The following ARHGAP15 variants were observed in gnomAD, a reference collection of about 807,000 sequenced individuals.
The protein encoded by ARHGAP15 is Rho GTPase activating protein 15.
Under a neutral mutation model 63.7 loss-of-function variants are expected in ARHGAP15, and 51 were observed. That is an observed-to-expected ratio of 0.80 (90% CI 0.64 to 1.01). ARHGAP15 has a LOEUF of 1.01. Ranked by LOEUF, ARHGAP15 falls within the 50% of genes least tolerant of loss-of-function variation. The pLI is 0.00. For synonymous variants in ARHGAP15, 191 were observed against 193.8 expected, an observed-to-expected ratio of 0.99 and a Z score of 0.12; for missense variants, 560 against 564.6, an observed-to-expected ratio of 0.99 and a Z score of 0.08.
chr2:143,277,952 T>C (rs908103270), intron 6 of ARHGAP15, among the ~76,000 whole-genome samples: 3 of 152,204 alleles, frequency 2.0e-5, no homozygotes, highest in African/African-American at 4.8e-5. Flanking sequence ...TGGTTGATAG[T>C]GGCAGGTCTG....
chr2:143,647,568 T>C (rs1680945482), intron 12 of ARHGAP15, among the ~76,000 whole-genome samples: 2 of 151,976 alleles, frequency 1.3e-5, no homozygotes, highest in African/African-American at 4.8e-5. Context: ...GCTGCCTTTA[T>C]GTGAATCATT....
rs556938138 is a variant in ARHGAP15, at chr2:143,451,406, CAG to C, written c.703+14367_703+14368del. Among the ~76,000 whole-genome samples the C allele has an allele frequency of 7.1e-4, 108 of 151,850 alleles. 1 individual carries two copies. The highest frequency in any genetic ancestry group is 2.4e-3 in the Admixed American group (36 of 15,190). Reference sequence around the variant, plus strand: ...TCTAGAAAGTAGCACTTCAAGAAGACAGAGGAAAACTGCCACTGAAAAGGTAA... The same window carrying C: ...TCTAGAAAGTAGCACTTCAAGAAGACAGGAAAACTGCCACTGAAAAGGTAA... On this transcript the variant is annotated intron_variant, in intron 8 of 13. Coordinates refer to ENST00000295095, the MANE Select transcript of ARHGAP15 (RefSeq NM_018460.4).
At chr2:143,488,102 A>T (rs190847559) in intron 9 of ARHGAP15, among the ~76,000 whole-genome samples, 1 of 152,338 alleles carries the variant, frequency 6.6e-6, no homozygotes, top group East Asian at 1.9e-4. Context: ...GCCACCAATC[A>T]TGGTCTCTGG....
intron 2 of ARHGAP15, among the ~76,000 whole-genome samples, chr2:143,201,876 A>G (rs1242119380): frequency 6.6e-6 from 1 of 152,174 alleles, no homozygotes; most frequent in Non-Finnish European, 1.5e-5. Context: ...ATGAGAGAAC[A>G]CAGACTTCAA....
chr2:143,255,134 T>C (rs1008633180), intron 6 of ARHGAP15, among the ~76,000 whole-genome samples: 12 of 152,248 alleles, frequency 7.9e-5, no homozygotes, highest in African/African-American at 2.6e-4. Context: ...GGCTCTTCTA[T>C]AGATTTCATG....
At chr2:143,429,255 T>C (rs1281497810) in intron 6 of ARHGAP15, among the ~76,000 whole-genome samples, 1 of 151,690 alleles carries the variant, frequency 6.6e-6, no homozygotes, top group Non-Finnish European at 1.5e-5. Flanking sequence ...GAAATAAATT[T>C]TGGGTTTAGA....
At chr2:143,157,963 C>T (rs888345233) in intron 2 of ARHGAP15, among the ~76,000 whole-genome samples, 1 of 151,726 alleles carries the variant, frequency 6.6e-6, no homozygotes, top group Admixed American at 6.6e-5. Flanking sequence ...GAGGCACATA[C>T]ATGTAGTCTG....
chr2:143,763,863 C>T (rs564681437), intron 13 of ARHGAP15, among the ~76,000 whole-genome samples: 66 of 149,864 alleles, frequency 4.4e-4, no homozygotes, highest in South Asian at 1.2e-3. Context: ...GCCAGATAGC[C>T]TGTGTTCTAT....
chr2:143,614,035 A>G (rs938815), intron 11 of ARHGAP15, among the ~76,000 whole-genome samples: 33,571 of 152,158 alleles, frequency 0.22, 4,028 homozygotes, highest in Admixed American at 0.32. Context: ...AACTTGTGGC[A>G]TCCCAAATGC....
At chr2:143,485,869 A>G (rs973092022) in intron 8 of ARHGAP15, among the ~76,000 whole-genome samples, 2 of 152,184 alleles carry the variant, frequency 1.3e-5, no homozygotes, top group Non-Finnish European at 2.9e-5. Flanking sequence ...CAATTTAGTA[A>G]TTTACAGTAC....
chr2:143,219,413 A>T (rs1692897638), intron 4 of ARHGAP15, among the ~76,000 whole-genome samples: 1 of 152,190 alleles, frequency 6.6e-6, no homozygotes, highest in African/African-American at 2.4e-5. Flanking sequence ...ATATATCCTC[A>T]TCATTAAGTG....
At chr2:143,456,144 C>T (rs1331115227) in intron 8 of ARHGAP15, among the ~76,000 whole-genome samples, 2 of 152,064 alleles carry the variant, frequency 1.3e-5, no homozygotes, top group African/African-American at 4.8e-5. Context: ...GCAAAATTTC[C>T]TCAAAGACTG....
intron 12 of ARHGAP15, among the ~76,000 whole-genome samples, chr2:143,639,247 T>A (rs1367139045): frequency 1.3e-5 from 2 of 152,160 alleles, no homozygotes; most frequent in Admixed American, 1.3e-4. Context: ...AAATGAATTT[T>A]CTCTGCTCAT....
At chr2:143,507,999 G>A (rs1026705114) in intron 9 of ARHGAP15, among the ~76,000 whole-genome samples, 2 of 149,834 alleles carry the variant, frequency 1.3e-5, no homozygotes, top group African/African-American at 4.9e-5. Flanking sequence ...CAATTAGAAG[G>A]ATCATTTATA....
intron 6 of ARHGAP15, among the ~76,000 whole-genome samples, chr2:143,327,330 T>C (rs1574280326): frequency 6.6e-6 from 1 of 152,180 alleles, no homozygotes; most frequent in East Asian, 1.9e-4. Context: ...CCCAAAGTAA[T>C]TTATGGATTC....
intron 13 of ARHGAP15, among the ~76,000 whole-genome samples, chr2:143,728,315 A>T (rs1685377344): frequency 6.6e-6 from 1 of 152,110 alleles, no homozygotes; most frequent in Non-Finnish European, 1.5e-5. Context: ...TTGGATTAAA[A>T]TCCACCCTAA....
intron 6 of ARHGAP15, among the ~76,000 whole-genome samples, chr2:143,257,536 C>A (rs542883867): frequency 3.2e-4 from 48 of 152,176 alleles, no homozygotes; most frequent in African/African-American, 1.1e-3. Context: ...GGAATAAATT[C>A]TGGGTTTTAG....
At chr2:143,559,015 G>A (rs767817310) in intron 11 of ARHGAP15, among the ~76,000 whole-genome samples, 10 of 152,022 alleles carry the variant, frequency 6.6e-5, no homozygotes, top group Non-Finnish European at 1.5e-4. Flanking sequence ...CTGAATCAGC[G>A]TACCCCCTCT....
chr2:143,393,551 G>GT (rs1687625304), intron 6 of ARHGAP15, among the ~76,000 whole-genome samples: 1 of 151,924 alleles, frequency 6.6e-6, no homozygotes, highest in Non-Finnish European at 1.5e-5. Context: ...GACCAACATG[G>GT]TGAAACCCCA....
Sources: gnomAD v4.1 joint callset for allele counts (sites outside exome capture counted in the v4.1 genomes callset) on GRCh38, gnomAD v4.1.1 for gene constraint, MANE v1.5 for transcripts, NCBI Gene and HGNC (gene_info 2026-07-23, HGNC 2026-07-21) for gene names.